UGT1A8: variants seen among roughly 807,000 people sequenced by gnomAD.
UGT1A8 encodes UDP-glucuronosyltransferase 1A8.
UGT1A8 carries 39 observed loss-of-function variants against 45.3 expected under a neutral mutation model. The observed-to-expected ratio is 0.86, with a 90% CI of 0.67 to 1.12. The LOEUF (loss-of-function observed/expected upper bound fraction) is 1.12. UGT1A8 is among the 50% of genes most tolerant of loss of function. UGT1A8 has a pLI of 0.00. For synonymous variants in UGT1A8, 275 were observed against 249.2 expected (o/e 1.10, Z -0.97); for missense variants, 719 against 664.9 (o/e 1.08, Z -0.90).
intron 3 of UGT1A8, 107 bp from the exon 4 acceptor site, chr2:233,768,113 G>A (rs1271698331): frequency 1.3e-6 from 2 of 1,597,544 alleles, no homozygotes; most frequent in African/African-American, 2.7e-5. Context: ...TTTCTGCAAG[G>A]GCATGTGAGT....
intron 1 of UGT1A8, chr2:233,713,872 C>A (rs1406341020): frequency 3.1e-6 from 5 of 1,613,636 alleles, no homozygotes; most frequent in Middle Eastern, 1.7e-4. Context: ...TGTATTGGTG[C>A]CTTTATCCAA....
At position 233,759,527 on chromosome 2, in the gene UGT1A8, C is replaced by T. The variant is rs146278701; in HGVS notation, c.856-7507C>T. Among the ~76,000 whole-genome samples the T allele has an allele frequency of 6.8e-3, 1,028 of 152,228 alleles. 8 individuals are homozygous for T. Among genetic ancestry groups the T allele is most frequent in the Non-Finnish European group, 8.6e-3 (582 of 68,014 alleles). On this transcript the variant is annotated intron_variant, in intron 1 of 4. Coordinates refer to ENST00000373450, the MANE Select transcript of UGT1A8 (RefSeq NM_019076.5). Reference sequence around the variant, plus strand: ...AATAAAGGCCTGTCCTTGGGGAAGACTTCTGTTCACATGCGCTCCAGTGAA... The same window carrying T: ...AATAAAGGCCTGTCCTTGGGGAAGATTTCTGTTCACATGCGCTCCAGTGAA...
chr2:233,646,305 A>C (rs911911134), intron 1 of UGT1A8, among the ~76,000 whole-genome samples: 14 of 152,212 alleles, frequency 9.2e-5, no homozygotes, highest in Admixed American at 8.5e-4. Flanking sequence ...AAGACCTCTG[A>C]CATGCCCTGG....
intron 1 of UGT1A8, chr2:233,719,255 C>T (rs1240913089): frequency 2.5e-6 from 4 of 1,614,024 alleles, no homozygotes; most frequent in Non-Finnish European, 3.4e-6. Flanking sequence ...ATGCTACTTC[C>T]TTTGATGTGG....
At chr2:233,654,374 T>C (rs557617871) in intron 1 of UGT1A8, among the ~76,000 whole-genome samples, 5 of 152,292 alleles carry the variant, frequency 3.3e-5, no homozygotes, top group Admixed American at 6.5e-5. Context: ...TCTTTCAGGA[T>C]TGTGATCCAA....
intron 1 of UGT1A8, among the ~76,000 whole-genome samples, chr2:233,758,654 A>G (rs1263947791): frequency 6.6e-6 from 1 of 152,140 alleles, no homozygotes; most frequent in Non-Finnish European, 1.5e-5. Flanking sequence ...ATGAGAGGGT[A>G]CCCTAATTAC....
chr2:233,720,798 C>T (rs948904174), intron 1 of UGT1A8, among the ~76,000 whole-genome samples: 26 of 151,502 alleles, frequency 1.7e-4, no homozygotes, highest in African/African-American at 4.1e-4. Flanking sequence ...CTTCACCTCC[C>T]GGGTTTAAGA....
intron 1 of UGT1A8, among the ~76,000 whole-genome samples, chr2:233,639,899 T>C (rs1206811518): frequency 1.3e-5 from 2 of 152,210 alleles, no homozygotes; most frequent in African/African-American, 4.8e-5. Context: ...AACATTGAAA[T>C]AGTTTTAATG....
intron 1 of UGT1A8, chr2:233,672,021 G>A: frequency 6.2e-7 from 1 of 1,614,142 alleles, no homozygotes; most frequent in Non-Finnish European, 8.5e-7. Flanking sequence ...GGAAGCTACT[G>A]GTAGTGCCCA....
intron 1 of UGT1A8, among the ~76,000 whole-genome samples, chr2:233,662,080 A>G (rs577542615): frequency 6.6e-6 from 1 of 152,314 alleles, no homozygotes; most frequent in East Asian, 1.9e-4. Flanking sequence ...TACAGTAGGC[A>G]CAGTTAACTC....
intron 1 of UGT1A8, 100 bp downstream of exon 1, chr2:233,618,662 T>C: frequency 6.6e-7 from 1 of 1,514,124 alleles, no homozygotes; most frequent in Non-Finnish European, 8.8e-7. Flanking sequence ...ATTTGTTGCA[T>C]TTCAAATTTC....
At chr2:233,652,640 C>T (rs947205823) in intron 1 of UGT1A8, among the ~76,000 whole-genome samples, 7 of 152,132 alleles carry the variant, frequency 4.6e-5, no homozygotes, top group African/African-American at 1.2e-4. Flanking sequence ...ATCAGTAGAA[C>T]GGAGTTGAGA....
At chr2:233,666,834 GT>G (rs1344135314) in intron 1 of UGT1A8, among the ~76,000 whole-genome samples, 1 of 138,828 alleles carries the variant, frequency 7.2e-6, no homozygotes, top group East Asian at 2.1e-4. Flanking sequence ...GGTGTGTGAT[GT>G]TCACCTTCCT....
At chr2:233,719,526 T>C (rs1307558571) in intron 1 of UGT1A8, 1 of 1,613,852 alleles carries the variant, frequency 6.2e-7, no homozygotes, top group Admixed American at 1.7e-5. Flanking sequence ...AAGTCTTGCC[T>C]CTGAGCTTTT....
chr2:233,747,954 C>T (rs1693821442), intron 1 of UGT1A8: 2 of 1,613,446 alleles, frequency 1.2e-6, no homozygotes, highest in Non-Finnish European at 8.5e-7. Flanking sequence ...AGTGGTGGAT[C>T]TTCTCAGCCA....
At chr2:233,695,012 T>C (rs1343178534) in intron 1 of UGT1A8, among the ~76,000 whole-genome samples, 2 of 152,232 alleles carry the variant, frequency 1.3e-5, no homozygotes, top group African/African-American at 4.8e-5. Context: ...TTTCTAGCTA[T>C]TTTGAACTGC....
At chr2:233,677,598 A>G (rs144127815) in intron 1 of UGT1A8, among the ~76,000 whole-genome samples, 1 of 152,224 alleles carries the variant, frequency 6.6e-6, no homozygotes, top group African/African-American at 2.4e-5. Flanking sequence ...ACTAGTTACC[A>G]GAAAAATGAA....
intron 1 of UGT1A8, among the ~76,000 whole-genome samples, chr2:233,677,405 T>C (rs2074389649): frequency 6.6e-6 from 1 of 152,202 alleles, no homozygotes; most frequent in African/African-American, 2.4e-5. Context: ...GAACTTTTGA[T>C]TCTCCAAAAA....
At chr2:233,761,926 C>A (rs986768651) in intron 1 of UGT1A8, among the ~76,000 whole-genome samples, 4 of 152,226 alleles carry the variant, frequency 2.6e-5, no homozygotes, top group Admixed American at 1.3e-4. Context: ...GCAGCCCAGG[C>A]ACTTCCCAGG....
Sources: gnomAD v4.1 joint callset for allele counts (sites outside exome capture counted in the v4.1 genomes callset) on GRCh38, gnomAD v4.1.1 for gene constraint, MANE v1.5 for transcripts, NCBI Gene and HGNC (gene_info 2026-07-23, HGNC 2026-07-21) for gene names.